IGFL2: variants seen among roughly 807,000 people sequenced by gnomAD.
IGFL2 encodes IGF like family member 2, also known as insulin growth factor-like family member 2.
In IGFL2, 7 loss-of-function variants were observed where a neutral mutation model predicts 13.9. The ratio of observed to expected loss-of-function variants is 0.51; its 90% CI spans 0.29 to 0.95. IGFL2 has a LOEUF of 0.95. IGFL2 is among the 40% of genes least tolerant of loss of function. The pLI is 0.08. For missense variants in IGFL2, 138 were observed against 147.8 expected (o/e 0.93, Z 0.34); for synonymous variants, 55 against 55.8 (o/e 0.99, Z 0.07).
chr19:46,169,719 G>A, the IGFL2 span, among the ~76,000 whole-genome samples: 1 of 151,914 alleles, frequency 6.6e-6, no homozygotes, highest in Non-Finnish European at 1.5e-5. Context: ...GTGGTGGTGG[G>A]TGCCTGTAAT....
chr19:46,166,827 G>A, the IGFL2 span, among the ~76,000 whole-genome samples: 10 of 152,290 alleles, frequency 6.6e-5, no homozygotes, highest in African/African-American at 1.2e-4. Context: ...GCTCACCGGC[G>A]GTCAGAGTTT....
At chr19:46,183,311 G>A in the IGFL2 span, among the ~76,000 whole-genome samples, 2 of 152,154 alleles carry the variant, frequency 1.3e-5, no homozygotes, top group Admixed American at 6.5e-5. Context: ...ATTACAATTC[G>A]AGATGAGATT....
chr19:46,180,428 T>C, the IGFL2 span, among the ~76,000 whole-genome samples: 1,157 of 152,268 alleles, frequency 7.6e-3, 18 homozygotes, highest in African/African-American at 0.025. Flanking sequence ...CCGCCTGCCT[T>C]GGCCTCCCAA....
At chr19:46,171,642 G>A in the IGFL2 span, among the ~76,000 whole-genome samples, 93 of 152,294 alleles carry the variant, frequency 6.1e-4, no homozygotes, top group African/African-American at 2.2e-3. Flanking sequence ...TATAGGGACA[G>A]CCTGCTGTTT....
the IGFL2 span, among the ~76,000 whole-genome samples, chr19:46,191,028 A>G: frequency 6.6e-6 from 1 of 152,046 alleles, no homozygotes; most frequent in Admixed American, 6.6e-5. Context: ...GCATTTCTCA[A>G]TGGACTGGAC....
chr19:46,091,587 T>C, the IGFL2 span, among the ~76,000 whole-genome samples: 1 of 152,240 alleles, frequency 6.6e-6, no homozygotes, highest in Non-Finnish European at 1.5e-5. Flanking sequence ...ATAATATGTT[T>C]TGTAAGAAAG....
At chr19:46,142,912 T>C (rs1178317139), upstream of IGFL2, among the ~76,000 whole-genome samples, 1 of 152,224 alleles carries the variant, frequency 6.6e-6, no homozygotes, top group African/African-American at 2.4e-5. Flanking sequence ...ATTGTTATAG[T>C]GTAAGTTTAT....
chr19:46,115,988 A>T, the IGFL2 span, among the ~76,000 whole-genome samples: 5 of 151,928 alleles, frequency 3.3e-5, no homozygotes, highest in Non-Finnish European at 5.9e-5. Context: ...CTCTGTTCTC[A>T]GGTCTTGGTG....
the IGFL2 span, among the ~76,000 whole-genome samples, chr19:46,104,391 G>C: frequency 3.3e-5 from 5 of 152,160 alleles, no homozygotes; most frequent in African/African-American, 1.2e-4. Flanking sequence ...GACGGTAAGG[G>C]GTATGAAGCT....
At chr19:46,172,874 C>T in the IGFL2 span, among the ~76,000 whole-genome samples, 1 of 152,130 alleles carries the variant, frequency 6.6e-6, no homozygotes, top group Non-Finnish European at 1.5e-5. Context: ...CCACCATGCC[C>T]AGCTGATGTG....
chr19:46,212,654 A>G, the IGFL2 span: 2 of 152,202 alleles, frequency 1.3e-5, no homozygotes, highest in Non-Finnish European at 2.9e-5. Context: ...CTTCACAGTG[A>G]CAATGACACC....
upstream of IGFL2, among the ~76,000 whole-genome samples, chr19:46,146,111 G>T (rs1973123651): frequency 6.6e-6 from 1 of 151,000 alleles, no homozygotes; most frequent in South Asian, 2.1e-4. Flanking sequence ...TAGACCATTT[G>T]GAGTTAACTT....
At chr19:46,094,079 G>A in the IGFL2 span, among the ~76,000 whole-genome samples, 44 of 104,500 alleles carry the variant, frequency 4.2e-4, 1 homozygote, top group Admixed American at 5.4e-3. Context: ...GGTCAGTATT[G>A]TAAAGCTGAT....
the IGFL2 span, among the ~76,000 whole-genome samples, chr19:46,169,842 T>G: frequency 1.8e-5 from 1 of 54,466 alleles, no homozygotes. Flanking sequence ...AGTGAGACTC[T>G]GTCTCAAAAA....
the IGFL2 span, among the ~76,000 whole-genome samples, chr19:46,081,719 C>A: frequency 2.3e-4 from 35 of 152,316 alleles, no homozygotes; most frequent in East Asian, 6.2e-3. Context: ...CTCAGAGACT[C>A]CAGGCTCACC....
chr19:46,167,280 T>C, the IGFL2 span, among the ~76,000 whole-genome samples: 1 of 152,196 alleles, frequency 6.6e-6, no homozygotes, highest in Non-Finnish European at 1.5e-5. Context: ...CCCACCACTA[T>C]GACATAAAGA....
the IGFL2 span, among the ~76,000 whole-genome samples, chr19:46,172,686 T>G: frequency 6.6e-6 from 1 of 152,226 alleles, no homozygotes; most frequent in African/African-American, 2.4e-5. Flanking sequence ...CTAAGTTAGA[T>G]ATTTATATAA....
chr19:46,206,189 G>A, the IGFL2 span, among the ~76,000 whole-genome samples: 1 of 151,978 alleles, frequency 6.6e-6, no homozygotes, highest in Non-Finnish European at 1.5e-5. Context: ...CCCAGCTTCT[G>A]ACACCCCCTG....
chr19:46,180,878 A>G, the IGFL2 span, among the ~76,000 whole-genome samples: 3 of 152,050 alleles, frequency 2.0e-5, no homozygotes, highest in Admixed American at 2.0e-4. Context: ...CAGCAAGTTG[A>G]CTCATTCCGT....
Sources: gnomAD v4.1 joint callset for allele counts (sites outside exome capture counted in the v4.1 genomes callset) on GRCh38, gnomAD v4.1.1 for gene constraint, MANE v1.5 for transcripts, NCBI Gene and HGNC (gene_info 2026-07-23, HGNC 2026-07-21) for gene names.